SORCS3: variants seen among roughly 807,000 people sequenced by gnomAD.
The protein encoded by SORCS3 is sortilin related VPS10 domain containing receptor 3.
SORCS3 carries 57 observed loss-of-function variants against 146.3 expected under a neutral mutation model. That is an observed-to-expected ratio of 0.39 (90% CI 0.31 to 0.49). The LOEUF (loss-of-function observed/expected upper bound fraction) is 0.49. SORCS3 is among the 20% of genes least tolerant of loss of function. SORCS3 has a pLI of 0.92. For missense variants in SORCS3, 1,341 were observed against 1,575.5 expected, an observed-to-expected ratio of 0.85 and a Z score of 2.52; for synonymous variants, 653 against 618.5, an observed-to-expected ratio of 1.06 and a Z score of -0.83.
intron 4 of SORCS3, among the ~76,000 whole-genome samples, chr10:105,027,519 C>G (rs1161468753): frequency 6.6e-6 from 1 of 152,132 alleles, no homozygotes; most frequent in Non-Finnish European, 1.5e-5. Context: ...CTATTTATGA[C>G]TTTGCCTACC....
chr10:104,818,766 T>G (rs1450041508), intron 1 of SORCS3, among the ~76,000 whole-genome samples: 2 of 152,114 alleles, frequency 1.3e-5, no homozygotes, highest in African/African-American at 4.8e-5. Flanking sequence ...TGAAGAGTAA[T>G]CATGGGTTCC....
rs556670056 is a variant in SORCS3, at chr10:104,935,345, T to C, written c.795+19413T>C. ...TTCAGCAGATTTGGAGTCTGTTTCA[T>C]TAGATCTCAACTCTGGCTGCTCTTT... On this transcript the variant is annotated intron_variant, in intron 3 of 26. Coordinates refer to ENST00000369701, the MANE Select transcript of SORCS3 (RefSeq NM_014978.3). 4.6e-5 allele frequency among the ~76,000 whole-genome samples: 7 copies of C among 152,324 alleles called. No individual in the cohort carries two copies. The East Asian group carries it at 1.4e-3, about 29-fold the overall frequency.
intron 2 of SORCS3, among the ~76,000 whole-genome samples, chr10:104,843,351 C>G (rs138628049): frequency 5.8e-4 from 88 of 152,208 alleles, no homozygotes; most frequent in African/African-American, 1.9e-3. Context: ...GTTCTGATCC[C>G]CAGGCAATTT....
intron 4 of SORCS3, among the ~76,000 whole-genome samples, chr10:105,002,165 C>A (rs2055066354): frequency 6.6e-6 from 1 of 152,096 alleles, no homozygotes; most frequent in Non-Finnish European, 1.5e-5. Context: ...GATTTTGGCC[C>A]ACTGGTCTCT....
At position 104,677,349 on chromosome 10, in the gene SORCS3, T is replaced by A. The variant is rs576378066; in HGVS notation, c.627+35395T>A. On this transcript the variant is annotated intron_variant, in intron 1 of 26. Coordinates refer to ENST00000369701, the MANE Select transcript of SORCS3 (RefSeq NM_014978.3). ...GAGGCTATTATTTGGTTTTCTAGCC[T>A]TGTCTGAATTAGGATGGTTCCATTT... Among the ~76,000 whole-genome samples the A allele has an allele frequency of 4.9e-4, 74 of 152,326 alleles. 1 individual carries two copies. In the South Asian group the frequency reaches 0.015, roughly 30 times the overall value.
rs539725166 is a variant in SORCS3 at position 105,051,281 on chromosome 10, G to A, written c.1028+8153G>A. 2.6e-3 allele frequency among the ~76,000 whole-genome samples: 391 copies of A among 152,166 alleles called. 3 individuals are homozygous for A. The highest frequency in any genetic ancestry group is 8.8e-3 in the African/African-American group (366 of 41,550). ...CACATTGTCTGGATTTTAGACACCC[G>A]TGTCAGCCTAATAGCAGCTGTGGGT... On this transcript the variant is annotated intron_variant, in intron 5 of 26. Coordinates refer to ENST00000369701, the MANE Select transcript of SORCS3 (RefSeq NM_014978.3).
At chr10:105,017,145 A>AT (rs34734862) in intron 4 of SORCS3, among the ~76,000 whole-genome samples, 23,568 of 147,050 alleles carry the variant, frequency 0.16, 2,160 homozygotes, top group African/African-American at 0.26. Context: ...AATGAAGGGG[A>AT]TTTTTTTTTT....
Position 104,862,544 on chromosome 10 carries a change from G to T in SORCS3, c.695+19685G>T, listed in dbSNP as rs180757269. Among the ~76,000 whole-genome samples, 508 of 151,158 alleles carry T rather than the reference G, an allele frequency of 3.4e-3. 1 individual carries two copies. The highest frequency in any genetic ancestry group is 0.014 in the Middle Eastern group (4 of 294). On this transcript the variant is annotated intron_variant, in intron 2 of 26. Coordinates refer to ENST00000369701, the MANE Select transcript of SORCS3 (RefSeq NM_014978.3). ...GAATAAAACTTTTTTCTTCCAGTTT[G>T]TTCTCCACTTGTATTTCTTCATATG...
intron 2 of SORCS3, among the ~76,000 whole-genome samples, chr10:104,861,786 A>G (rs2018406549): frequency 6.6e-6 from 1 of 152,180 alleles, no homozygotes; most frequent in Non-Finnish European, 1.5e-5. Context: ...GGGTGCTTCA[A>G]CAACAGAAAT....
At chr10:104,961,462 A>G (rs1166666278) in intron 3 of SORCS3, among the ~76,000 whole-genome samples, 8 of 152,214 alleles carry the variant, frequency 5.3e-5, no homozygotes, top group Admixed American at 5.2e-4. Flanking sequence ...AATGACTTCA[A>G]GACCAATCCT....
chr10:104,847,673 G>T lies in SORCS3; in HGVS notation c.695+4814G>T, dbSNP rs532680036. On this transcript the variant is annotated intron_variant, in intron 2 of 26. Transcript: ENST00000369701. ...GCTAAATGAATTTGCAGTTGTCTAG[G>T]CATGAGAGGAAACAGGAATCATTTG... 3.3e-5 allele frequency among the ~76,000 whole-genome samples: 5 copies of T among 152,160 alleles called. No individual in the cohort carries two copies. In the East Asian group the frequency reaches 9.7e-4, roughly 29 times the overall value.
chr10:104,944,503 T>C (rs2019350152), intron 3 of SORCS3, among the ~76,000 whole-genome samples: 1 of 152,144 alleles, frequency 6.6e-6, no homozygotes, highest in Non-Finnish European at 1.5e-5. Context: ...ATAATGCCTA[T>C]AAATCATTAA....
At chr10:105,255,848 C>A in intron 24 of SORCS3, 47 bp downstream of exon 24, 2 of 1,442,166 alleles carry the variant, frequency 1.4e-6, no homozygotes, top group Non-Finnish European at 1.9e-6. Context: ...GATCTGTTAT[C>A]CCAGAGAGAA....
At chr10:104,737,705 T>C (rs2016791266) in intron 1 of SORCS3, among the ~76,000 whole-genome samples, 1 of 152,064 alleles carries the variant, frequency 6.6e-6, no homozygotes, top group African/African-American at 2.4e-5. Flanking sequence ...GTTGCGAAAA[T>C]TTTCTCCCAT....
chr10:104,898,827 A>G (rs1259195701), intron 2 of SORCS3, among the ~76,000 whole-genome samples: 1 of 152,058 alleles, frequency 6.6e-6, no homozygotes. Context: ...CAGAGCCCCT[A>G]TTTTTCCCCC....
intron 2 of SORCS3, among the ~76,000 whole-genome samples, chr10:104,887,722 A>G (rs1178805864): frequency 6.6e-5 from 10 of 152,248 alleles, no homozygotes; most frequent in East Asian, 5.8e-4. Flanking sequence ...GATTGTTTTC[A>G]GCTACTACCA....
chr10:105,191,351 G>A (rs2056515888), intron 14 of SORCS3, among the ~76,000 whole-genome samples: 1 of 152,064 alleles, frequency 6.6e-6, no homozygotes, highest in South Asian at 2.1e-4. Flanking sequence ...TAATAGAAAG[G>A]TAGTATTTGA....
chr10:105,216,906 A>T, intron 18 of SORCS3, 30 bp from the exon 19 acceptor site: 1 of 1,612,890 alleles, frequency 6.2e-7, no homozygotes, highest in Non-Finnish European at 8.5e-7. Context: ...GGACCAAGTA[A>T]ATTGACCCGT....
chr10:104,945,191 G>C (rs1458270153), intron 3 of SORCS3, among the ~76,000 whole-genome samples: 4 of 152,090 alleles, frequency 2.6e-5, no homozygotes, highest in Admixed American at 2.6e-4. Flanking sequence ...GTTACTTTTG[G>C]GAGAGAGGAC....
Sources: gnomAD v4.1 joint callset for allele counts (sites outside exome capture counted in the v4.1 genomes callset) on GRCh38, gnomAD v4.1.1 for gene constraint, MANE v1.5 for transcripts, NCBI Gene and HGNC (gene_info 2026-07-23, HGNC 2026-07-21) for gene names.